The following PPP4R3A variants were observed in gnomAD, a reference collection of about 807,000 sequenced individuals.
PPP4R3A encodes protein phosphatase 4 regulatory subunit 3A.
PPP4R3A carries 15 observed loss-of-function variants against 91.7 expected under a neutral mutation model. That is an observed-to-expected ratio of 0.16 (90% CI 0.11 to 0.25). The LOEUF (loss-of-function observed/expected upper bound fraction) is 0.25. PPP4R3A is among the 10% of genes least tolerant of loss of function. The pLI is 1.00. For synonymous variants in PPP4R3A, 377 were observed against 348.7 expected (o/e 1.08, Z -0.91); for missense variants, 623 against 998.4 (o/e 0.62, Z 5.07).
At chr14:91,503,328 C>T (rs913671915) in intron 1 of PPP4R3A, among the ~76,000 whole-genome samples, 4 of 151,854 alleles carry the variant, frequency 2.6e-5, no homozygotes, top group African/African-American at 9.7e-5. Flanking sequence ...CTTGCTTCAT[C>T]AGCCAGGCTG....
At chr14:91,508,716 G>A (rs1322422640) in intron 1 of PPP4R3A, among the ~76,000 whole-genome samples, 1 of 152,174 alleles carries the variant, frequency 6.6e-6, no homozygotes, top group East Asian at 1.9e-4. Context: ...CTTGAGGGCT[G>A]TTTCAAAATT....
intron 1 of PPP4R3A, among the ~76,000 whole-genome samples, chr14:91,501,863 C>A (rs1890982048): frequency 6.8e-6 from 1 of 146,806 alleles, no homozygotes; most frequent in Admixed American, 7.1e-5. Context: ...CGCCACCAAG[C>A]CCGGCTAATT....
intron 1 of PPP4R3A, among the ~76,000 whole-genome samples, chr14:91,493,462 T>C (rs1375687835): frequency 2.3e-5 from 2 of 86,150 alleles, no homozygotes; most frequent in Admixed American, 1.1e-4. Flanking sequence ...CACTACACTC[T>C]AGACTGGGTT....
At chr14:91,476,863 G>T in intron 5 of PPP4R3A, 46 bp downstream of exon 5, 1 of 1,494,854 alleles carries the variant, frequency 6.7e-7, no homozygotes, top group Non-Finnish European at 9.1e-7. Context: ...ACCAAGCCCG[G>T]CCAGTTGTTT....
chr14:91,494,786 A>C (rs1011056570), intron 1 of PPP4R3A, among the ~76,000 whole-genome samples: 1 of 152,188 alleles, frequency 6.6e-6, no homozygotes, highest in Non-Finnish European at 1.5e-5. Flanking sequence ...GAATCACTTT[A>C]ACCTGGGAGG....
chr14:91,498,832 T>C (rs993918693), intron 1 of PPP4R3A, among the ~76,000 whole-genome samples: 3 of 146,482 alleles, frequency 2.0e-5, no homozygotes, highest in Non-Finnish European at 3.0e-5. Flanking sequence ...GAGAATTGCA[T>C]GAACCCGGGA....
At position 91,462,130 on chromosome 14, in the gene PPP4R3A, C is replaced by G. The variant is rs768342743; in HGVS notation, c.2083G>C (p.Ala695Pro). 2 of 1,604,260 alleles carry G rather than the reference C, an allele frequency of 1.2e-6. No individual in the cohort carries two copies. Among genetic ancestry groups the G allele is most frequent in the Non-Finnish European group, 1.7e-6 (2 of 1,176,372 alleles). Residue 695 changes from alanine to proline, a missense_variant, in exon 13 of 15, where the codon GCT becomes CCT. By Grantham distance (27) the Ala-to-Pro change is conservative. This residue lies in a region of PPP4R3A where 201 missense variants were observed against 229.9 expected (regional missense o/e 0.87). Coordinates refer to ENST00000554943, the MANE Select transcript of PPP4R3A (RefSeq NM_001366432.2). ...TDEDDMEDGE[A>P]VVSPSDKTKN... ...GTTTTGTCAGATGGAGACACTACAG[C>G]TTCTCCATCTTCCATGTCATCTTCA...
intron 4 of PPP4R3A, among the ~76,000 whole-genome samples, chr14:91,480,753 T>G (rs562908303): frequency 2.0e-5 from 3 of 152,252 alleles, no homozygotes; most frequent in Admixed American, 2.0e-4. Flanking sequence ...TATCCTCCTA[T>G]AGTTGAGTAT....
At position 91,510,007 on chromosome 14, in the gene PPP4R3A, G is replaced by A. The variant is rs185264082; in HGVS notation, c.-360C>T. 698 of 960,468 alleles carry A rather than the reference G, an allele frequency of 7.3e-4. 8 individuals are homozygous for A. In the East Asian group the frequency reaches 0.037, roughly 51 times the overall value. The allele number at this position is 960,468 out of a possible 1,614,324, so 59.5% of individuals were successfully genotyped here. ...CCGCCTCCGCCATGATCTCCGCGAAGCAGCTTCCCGCGCCGCCGCCGCCTC... is the reference window on the plus strand; with the variant it reads ...CCGCCTCCGCCATGATCTCCGCGAAACAGCTTCCCGCGCCGCCGCCGCCTC... On this transcript the variant is annotated 5_prime_UTR_variant, in exon 1 of 15. Coordinates refer to ENST00000554943, the MANE Select transcript of PPP4R3A (RefSeq NM_001366432.2).
At chr14:91,471,686 T>C (rs1386315627) in intron 9 of PPP4R3A, among the ~76,000 whole-genome samples, 3 of 152,208 alleles carry the variant, frequency 2.0e-5, no homozygotes, top group Non-Finnish European at 4.4e-5. Context: ...AAAATGGACA[T>C]TCACATTTCA....
intron 11 of PPP4R3A, 121 bp from the exon 12 acceptor site, chr14:91,462,998 A>T: frequency 1.3e-6 from 1 of 773,172 alleles, no homozygotes; most frequent in Non-Finnish European, 2.0e-6. Context: ...ACATAATCTT[A>T]GAGATAACCA....
intron 9 of PPP4R3A, 32 bp downstream of exon 9, chr14:91,473,001 G>C (rs1217227017): frequency 3.8e-6 from 6 of 1,595,682 alleles, no homozygotes; most frequent in African/African-American, 2.7e-5. Flanking sequence ...TTCAAGAACA[G>C]AGAACTTAAC....
At chr14:91,498,690 G>A (rs1806994800) in intron 1 of PPP4R3A, among the ~76,000 whole-genome samples, 1 of 151,800 alleles carries the variant, frequency 6.6e-6, no homozygotes, top group African/African-American at 2.4e-5. Context: ...AGAGGCAGGT[G>A]GATCACGAGG....
chr14:91,496,392 G>A (rs113194922), intron 1 of PPP4R3A, among the ~76,000 whole-genome samples: 90 of 152,270 alleles, frequency 5.9e-4, no homozygotes, highest in Non-Finnish European at 1.0e-3. Context: ...AGAAACACAC[G>A]CCTGATTTTT....
At chr14:91,467,514 G>C (rs1034264192) in intron 10 of PPP4R3A, among the ~76,000 whole-genome samples, 2 of 152,148 alleles carry the variant, frequency 1.3e-5, no homozygotes, top group Admixed American at 1.3e-4. Flanking sequence ...TTTTTACCTT[G>C]TAACTAATGA....
intron 10 of PPP4R3A, chr14:91,466,278 T>A: frequency 1.0e-6 from 1 of 985,878 alleles, no homozygotes; most frequent in Non-Finnish European, 1.2e-6. Flanking sequence ...AGTCACATCG[T>A]CTTCGGTTGG....
intron 9 of PPP4R3A, among the ~76,000 whole-genome samples, chr14:91,472,621 C>T (rs908442487): frequency 2.0e-5 from 3 of 152,068 alleles, no homozygotes; most frequent in South Asian, 2.1e-4. Flanking sequence ...CCTGCCACCA[C>T]GCCCAGCTAA....
intron 7 of PPP4R3A, among the ~76,000 whole-genome samples, chr14:91,473,659 C>T (rs184705730): frequency 2.0e-5 from 3 of 152,332 alleles, no homozygotes; most frequent in African/African-American, 7.2e-5. Context: ...TTACAACTTT[C>T]TAATAATGTA....
chr14:91,477,441 T>A (rs1889279137), intron 4 of PPP4R3A, among the ~76,000 whole-genome samples: 1 of 152,190 alleles, frequency 6.6e-6, no homozygotes, highest in Non-Finnish European at 1.5e-5. Context: ...AGAATGAAAA[T>A]GAAGACAAAG....
Sources: allele counts gnomAD v4.1 joint callset (sites outside exome capture counted in the v4.1 genomes callset), GRCh38; gene constraint gnomAD v4.1.1; regional missense constraint gnomAD v4.1.1; transcripts MANE v1.5; gene names NCBI Gene and HGNC (gene_info 2026-07-23, HGNC 2026-07-21).